Variants in NHS observed in about 807,000 individuals in gnomAD.
NHS encodes the protein NHS actin remodeling regulator.
NHS carries 5 observed loss-of-function variants against 72.5 expected under a neutral mutation model. The observed-to-expected ratio is 0.07, with a 90% CI of 0.04 to 0.14. The LOEUF (loss-of-function observed/expected upper bound fraction) is 0.14, where lower values mean the gene tolerates loss of function less well. Ranked by LOEUF, NHS falls within the 10% of genes least tolerant of loss-of-function variation. The pLI is 1.00. For missense variants in NHS, 1,072 were observed against 1,355.7 expected, an observed-to-expected ratio of 0.79 and a Z score of 3.29; for synonymous variants, 464 against 547.7, an observed-to-expected ratio of 0.85 and a Z score of 2.13.
intron 1 of NHS, among the ~76,000 whole-genome samples, chrX:17,439,173 T>C (rs1194268526): frequency 1.8e-5 from 2 of 109,837 alleles, no homozygotes; most frequent in Non-Finnish European, 3.8e-5. Context: ...CCTTCTGCTC[T>C]TTGAAGGGGA....
chrX:17,610,355 G>C (rs896947536), intron 1 of NHS, among the ~76,000 whole-genome samples: 7 of 112,468 alleles, frequency 6.2e-5, no homozygotes, highest in African/African-American at 2.3e-4. Context: ...TCTCACATGA[G>C]TGGTATAATC....
intron 1 of NHS, among the ~76,000 whole-genome samples, chrX:17,548,612 A>G (rs1156498858): frequency 2.7e-5 from 3 of 112,003 alleles, no homozygotes; most frequent in Non-Finnish European, 5.6e-5. Flanking sequence ...GCACATACAC[A>G]TATAGACATG....
intron 1 of NHS, among the ~76,000 whole-genome samples, chrX:17,393,502 T>G (rs772382717): frequency 8.9e-6 from 1 of 112,533 alleles, no homozygotes; most frequent in Non-Finnish European, 1.9e-5. Context: ...ACTTGCAAAC[T>G]CTGTGTAATT....
At chrX:17,525,411 A>G (rs2065167686) in intron 1 of NHS, among the ~76,000 whole-genome samples, 2 of 112,092 alleles carry the variant, frequency 1.8e-5, no homozygotes, top group African/African-American at 6.5e-5. Context: ...AGCTATTGGA[A>G]GCAGATGAAT....
intron 1 of NHS, among the ~76,000 whole-genome samples, chrX:17,533,350 G>A (rs1054738405): frequency 8.9e-6 from 1 of 111,751 alleles, no homozygotes; most frequent in Non-Finnish European, 1.9e-5. Flanking sequence ...GCGATGACAC[G>A]ATCATGGCTC....
intron 8 of NHS, among the ~76,000 whole-genome samples, chrX:17,729,236 C>T (rs2066471281): frequency 8.9e-6 from 1 of 111,894 alleles, no homozygotes; most frequent in African/African-American, 3.3e-5. Flanking sequence ...GAAATCACCA[C>T]TAAAGAACTT....
At chrX:17,579,826 C>T (rs1214380509) in intron 1 of NHS, among the ~76,000 whole-genome samples, 2 of 111,140 alleles carry the variant, frequency 1.8e-5, no homozygotes, top group East Asian at 5.7e-4. Flanking sequence ...TCAACACCCA[C>T]TCCACCCTGC....
At chrX:17,706,490 AACACACACACACAC>A (rs200289537) in intron 3 of NHS, among the ~76,000 whole-genome samples, 2 of 98,066 alleles carry the variant, frequency 2.0e-5, no homozygotes, top group Admixed American at 1.1e-4. Flanking sequence ...TCAAAATAGA[AACACACACACACAC>A]ACACACACAC....
At chrX:17,549,560 C>A (rs2065318495) in intron 1 of NHS, among the ~76,000 whole-genome samples, 1 of 111,911 alleles carries the variant, frequency 8.9e-6, no homozygotes, top group African/African-American at 3.2e-5. Flanking sequence ...GCATTACAGC[C>A]AGCTTTTCAC....
At chrX:17,667,369 T>C (rs998663155) in intron 1 of NHS, among the ~76,000 whole-genome samples, 2 of 110,797 alleles carry the variant, frequency 1.8e-5, no homozygotes, top group Admixed American at 1.9e-4. Flanking sequence ...CTCCCAGGAG[T>C]CAGCAAAGCA....
At chrX:17,692,185 C>A in intron 2 of NHS, 150 bp from the exon 3 acceptor site, 1 of 697,066 alleles carries the variant, frequency 1.4e-6, no homozygotes, top group Non-Finnish European at 2.2e-6. Flanking sequence ...AAAAACCATT[C>A]TGAAAATCTT....
chrX:17,691,205 C>A (rs1209781184), intron 2 of NHS, among the ~76,000 whole-genome samples: 1 of 112,143 alleles, frequency 8.9e-6, no homozygotes, highest in Admixed American at 9.4e-5. Flanking sequence ...CCTCCTTTCA[C>A]TTCTTCCTAA....
intron 1 of NHS, among the ~76,000 whole-genome samples, chrX:17,447,767 A>G (rs1457315005): frequency 1.1e-5 from 1 of 91,958 alleles, no homozygotes; most frequent in Non-Finnish European, 2.1e-5. Context: ...ACACACACAC[A>G]CACACGCACA....
At position 17,727,891 on chromosome X, in the gene NHS, C is replaced by T. The variant is rs141013518; in HGVS notation, c.3785C>T (p.Thr1262Met). Reference sequence around the variant, plus strand: ...GAGACTGAGCCTATTCCAGAAAACACGCCAACCAAAAACTGTGCTTTTCCC... The same window carrying T: ...GAGACTGAGCCTATTCCAGAAAACATGCCAACCAAAAACTGTGCTTTTCCC... ...RTETEPIPEN[T>M]PTKNCAFPTE... The change falls in exon 7 of 9, where the codon ACG (threonine) becomes ATG (methionine). Residue 1262 changes from threonine (T) to methionine (M), a missense_variant. Coordinates refer to ENST00000676302, the MANE Select transcript of NHS (RefSeq NM_001291867.2). 8.7e-5 allele frequency: 105 copies of T among 1,210,088 alleles called. No individual in the cohort carries two copies. In the African/African-American group the frequency reaches 1.4e-3, roughly 16 times the overall value.
At chrX:17,704,421 C>T (rs921738174) in intron 3 of NHS, among the ~76,000 whole-genome samples, 7 of 110,805 alleles carry the variant, frequency 6.3e-5, no homozygotes, top group Non-Finnish European at 1.3e-4. Flanking sequence ...CTGCCTCAGC[C>T]TCCCGAGTAG....
At position 17,539,315 on chromosome X, in the gene NHS, T is replaced by G. The variant is rs149944991; in HGVS notation, c.566-148427T>G. 7.1e-4 allele frequency among the ~76,000 whole-genome samples: 78 copies of G among 109,855 alleles called. No homozygotes were observed. The East Asian group carries it at 0.013, about 18-fold the overall frequency. The stretch of plus-strand genomic sequence containing the variant: ...AACCACTCCCTTTCTCTGTCCTCCT[T>G]CCCTGCTTGATGGTTCTCCACAGTC... On this transcript the variant is annotated intron_variant, in intron 1 of 8. Transcript: ENST00000676302.
At chrX:17,669,109 C>T (rs1459002348) in intron 1 of NHS, among the ~76,000 whole-genome samples, 1 of 112,407 alleles carries the variant, frequency 8.9e-6, no homozygotes, top group African/African-American at 3.2e-5. Context: ...CGCTTTATCA[C>T]CTTGTTCCAC....
intron 1 of NHS, among the ~76,000 whole-genome samples, chrX:17,419,252 G>A (rs1249794768): frequency 1.8e-5 from 2 of 112,411 alleles, no homozygotes; most frequent in Admixed American, 9.4e-5. Flanking sequence ...TCAGCACCAG[G>A]AACATTTTTA....
intron 1 of NHS, among the ~76,000 whole-genome samples, chrX:17,403,710 A>C (rs2064513500): frequency 8.9e-6 from 1 of 112,317 alleles, no homozygotes; most frequent in Admixed American, 9.4e-5. Flanking sequence ...GGTTGAATAA[A>C]AATAAGACTC....
Sources: allele counts gnomAD v4.1 joint callset (sites outside exome capture counted in the v4.1 genomes callset), GRCh38; gene constraint gnomAD v4.1.1; transcripts MANE v1.5; gene names NCBI Gene and HGNC (gene_info 2026-07-23, HGNC 2026-07-21).